RARB: variants seen among roughly 807,000 people sequenced by gnomAD.
RARB encodes retinoic acid receptor beta, also known as HBV-activated protein.
Under a neutral mutation model 51.9 loss-of-function variants are expected in RARB, and 17 were observed. The observed-to-expected ratio is 0.33, with a 90% confidence interval of 0.22 to 0.49. The LOEUF is 0.49. Among genes scored for constraint, RARB ranks in the 20% least tolerant of loss-of-function variants. The pLI is 0.99. For synonymous variants in RARB, 215 were observed against 195.4 expected (o/e 1.10, Z -0.84); for missense variants, 369 against 550.8 (o/e 0.67, Z 3.30).
chr3:25,052,244 G>C (rs778439460), intron 2 of RARB, among the ~76,000 whole-genome samples: 13 of 152,150 alleles, frequency 8.5e-5, no homozygotes, highest in Admixed American at 5.9e-4. Flanking sequence ...ATGTGACAGA[G>C]AGGATGCATC....
At chr3:25,502,049 G>C (rs775750270) in intron 3 of RARB, among the ~76,000 whole-genome samples, 1 of 152,296 alleles carries the variant, frequency 6.6e-6, no homozygotes, top group South Asian at 2.1e-4. Flanking sequence ...TGGATGGCTT[G>C]GCTCAAGCAG....
chr3:25,157,372 G>GTA (rs1270560885), intron 4 of RARB, among the ~76,000 whole-genome samples: 6 of 101,228 alleles, frequency 5.9e-5, no homozygotes, highest in Non-Finnish European at 1.1e-4. Context: ...GTGTGTGTGT[G>GTA]TGTGTGTGTA....
At chr3:25,259,215 G>T (rs1702939439) in intron 5 of RARB, 1 of 501,662 alleles carries the variant, frequency 2.0e-6, no homozygotes, top group East Asian at 1.5e-4. Flanking sequence ...TTCCACCAAT[G>T]ATTAGCATTC....
At chr3:25,315,759 A>T (rs1375186235) in intron 5 of RARB, among the ~76,000 whole-genome samples, 1 of 151,124 alleles carries the variant, frequency 6.6e-6, no homozygotes, top group African/African-American at 2.4e-5. Context: ...AATTACAGGC[A>T]TGCACCACCA....
intron 5 of RARB, among the ~76,000 whole-genome samples, chr3:25,268,037 T>C (rs1022986021): frequency 6.6e-6 from 1 of 152,220 alleles, no homozygotes; most frequent in African/African-American, 2.4e-5. Context: ...TAGTGTCAAA[T>C]TTCTTGGAAC....
rs545057747 is a variant in RARB, at chr3:24,877,794, G to T, written c.-380+19042G>T. 2.2e-4 allele frequency among the ~76,000 whole-genome samples: 34 copies of T among 152,272 alleles called. No individual in the cohort carries two copies. The South Asian group carries it at 6.6e-3, about 30-fold the overall frequency. Reference sequence around the variant, plus strand: ...GCAAGTGAGGGCTTGTTAATGAAATGATCCTCAGGTCACCATGCTGGAAAA... The same window carrying T: ...GCAAGTGAGGGCTTGTTAATGAAATTATCCTCAGGTCACCATGCTGGAAAA... On this transcript the variant is annotated intron_variant, in intron 2 of 11. Transcript: ENST00000383772.
chr3:25,417,501 C>T (rs907263607), intron 5 of RARB, among the ~76,000 whole-genome samples: 1 of 152,140 alleles, frequency 6.6e-6, no homozygotes, highest in Admixed American at 6.5e-5. Context: ...GTGAATAAGT[C>T]TCACAAAATC....
intron 5 of RARB, among the ~76,000 whole-genome samples, chr3:25,287,642 A>G (rs1703688574): frequency 6.6e-6 from 1 of 152,214 alleles, no homozygotes; most frequent in Non-Finnish European, 1.5e-5. Context: ...TGGGTTTCAA[A>G]GAATTTAAGG....
intron 2 of RARB, among the ~76,000 whole-genome samples, chr3:25,043,061 G>C (rs142123183): frequency 7.2e-5 from 11 of 152,318 alleles, no homozygotes; most frequent in African/African-American, 2.6e-4. Context: ...GTGAGGCAGG[G>C]GAGCGACCGT....
intron 2 of RARB, among the ~76,000 whole-genome samples, chr3:25,047,225 A>G (rs1698235772): frequency 6.6e-6 from 1 of 152,224 alleles, no homozygotes. Context: ...TAATAAAACT[A>G]TTTTGTGCCT....
At chr3:25,403,652 A>G (rs1445873926) in intron 5 of RARB, among the ~76,000 whole-genome samples, 3 of 152,110 alleles carry the variant, frequency 2.0e-5, no homozygotes, top group African/African-American at 7.2e-5. Flanking sequence ...ATTATTTTTT[A>G]ATACACTCTG....
intron 5 of RARB, among the ~76,000 whole-genome samples, chr3:25,201,736 T>C (rs1392676599): frequency 6.6e-6 from 1 of 152,222 alleles, no homozygotes; most frequent in Non-Finnish European, 1.5e-5. Flanking sequence ...ATTATGTTTA[T>C]TGGTTTTCGT....
chr3:24,990,887 T>C (rs909274967), intron 2 of RARB, among the ~76,000 whole-genome samples: 2 of 152,248 alleles, frequency 1.3e-5, no homozygotes, highest in African/African-American at 4.8e-5. Flanking sequence ...CATCATTAAA[T>C]AGTAAAGCAA....
intron 2 of RARB, among the ~76,000 whole-genome samples, chr3:24,980,288 C>G (rs74211722): frequency 1.3e-5 from 2 of 152,032 alleles, no homozygotes; most frequent in East Asian, 1.9e-4. Context: ...GTGGTGTTCT[C>G]TGTATTTCCT....
At chr3:25,340,122 G>C (rs1239010928) in intron 5 of RARB, among the ~76,000 whole-genome samples, 1 of 152,094 alleles carries the variant, frequency 6.6e-6, no homozygotes, top group Non-Finnish European at 1.5e-5. Flanking sequence ...AAAATGCAGA[G>C]ACCTGCTGAC....
chr3:25,085,243 A>G (rs1025874815), intron 3 of RARB, among the ~76,000 whole-genome samples: 1 of 152,202 alleles, frequency 6.6e-6, no homozygotes, highest in African/African-American at 2.4e-5. Context: ...TTTAACAAAC[A>G]TAACAATGTA....
chr3:25,357,708 G>C (rs541590183), intron 5 of RARB, among the ~76,000 whole-genome samples: 78 of 152,182 alleles, frequency 5.1e-4, no homozygotes, highest in African/African-American at 1.8e-3. Context: ...AGGAAGGGGT[G>C]CAGTTTCAGT....
chr3:25,026,154 A>G (rs1341827976), intron 2 of RARB, among the ~76,000 whole-genome samples: 1 of 152,152 alleles, frequency 6.6e-6, no homozygotes, highest in African/African-American at 2.4e-5. Flanking sequence ...CTTTTGCATA[A>G]AGTTGTGGCA....
At position 25,168,146 on chromosome 3, in the gene RARB, AAAAGT is replaced by A. The variant is rs567809961; in HGVS notation, c.-279-5968_-279-5964del. ...CTAATGTTAATGGAAATAAAACAGAAAAAGTAAAGAGAAAGAGTCTATAATATAGT... is the reference window on the plus strand; with the variant it reads ...CTAATGTTAATGGAAATAAAACAGAAAAAGAGAAAGAGTCTATAATATAGT... On this transcript the variant is annotated intron_variant, in intron 4 of 11. Coordinates refer to the RARB transcript ENST00000383772. 3.0e-3 allele frequency among the ~76,000 whole-genome samples: 450 copies of A among 152,372 alleles called. 3 individuals carry two copies. Among genetic ancestry groups the A allele is most frequent in the African/African-American group, 9.9e-3 (413 of 41,592 alleles).
Sources: gnomAD v4.1 joint callset for allele counts (sites outside exome capture counted in the v4.1 genomes callset) on GRCh38, gnomAD v4.1.1 for gene constraint, MANE v1.5 for transcripts, NCBI Gene and HGNC (gene_info 2026-07-23, HGNC 2026-07-21) for gene names.